DEUP1: variants seen among roughly 807,000 people sequenced by gnomAD.
DEUP1 encodes the protein deuterosome assembly protein 1.
Under a neutral mutation model 87.4 loss-of-function variants are expected in DEUP1, and 82 were observed. That is an observed-to-expected ratio of 0.94 (90% CI 0.78 to 1.13). The LOEUF is 1.13. DEUP1 is among the 50% of genes most tolerant of loss of function. The pLI is 0.00. For synonymous variants in DEUP1, 214 were observed against 222.7 expected, an observed-to-expected ratio of 0.96 and a Z score of 0.35; for missense variants, 663 against 681.5, an observed-to-expected ratio of 0.97 and a Z score of 0.30.
intron 7 of DEUP1, among the ~76,000 whole-genome samples, chr11:93,371,558 G>A (rs912149259): frequency 6.6e-6 from 1 of 151,996 alleles, no homozygotes; most frequent in African/African-American, 2.4e-5. Flanking sequence ...TATGCCTTTA[G>A]CCATGTACTA....
chr11:93,360,142 C>G (rs1421996115), intron 4 of DEUP1, among the ~76,000 whole-genome samples: 1 of 152,094 alleles, frequency 6.6e-6, no homozygotes, highest in African/African-American at 2.4e-5. Context: ...GCACCCATGC[C>G]CCTTCAATCA....
At chr11:93,401,982 C>A (rs1947133973) in intron 11 of DEUP1, among the ~76,000 whole-genome samples, 1 of 151,584 alleles carries the variant, frequency 6.6e-6, no homozygotes, top group Admixed American at 6.6e-5. Context: ...AAAATACAGG[C>A]AATCAAAGGA....
intron 13 of DEUP1, among the ~76,000 whole-genome samples, chr11:93,429,530 T>C (rs1462101850): frequency 6.6e-6 from 1 of 152,160 alleles, no homozygotes; most frequent in Non-Finnish European, 1.5e-5. Flanking sequence ...AATATCACCT[T>C]ATCAGAGATG....
intron 13 of DEUP1, 65 bp downstream of exon 13, chr11:93,415,179 T>A (rs763240724): frequency 1.1e-6 from 1 of 932,864 alleles, no homozygotes; most frequent in Non-Finnish European, 1.7e-6. Context: ...TACACTGATG[T>A]CAATAAACTG....
At chr11:93,347,327 T>C (rs2134184527) in intron 2 of DEUP1, among the ~76,000 whole-genome samples, 1 of 152,346 alleles carries the variant, frequency 6.6e-6, no homozygotes, top group South Asian at 2.1e-4. Flanking sequence ...ATTTATTGAC[T>C]TGCATTTGTT....
At chr11:93,432,872 C>A (rs532161647) in intron 13 of DEUP1, among the ~76,000 whole-genome samples, 31 of 152,104 alleles carry the variant, frequency 2.0e-4, no homozygotes, top group South Asian at 4.1e-4. Context: ...GTAAATAATG[C>A]AGTTCTCATT....
intron 2 of DEUP1, among the ~76,000 whole-genome samples, chr11:93,337,574 C>T (rs905913518): frequency 3.3e-5 from 5 of 152,170 alleles, no homozygotes; most frequent in Non-Finnish European, 7.3e-5. Flanking sequence ...TCAAACTGGA[C>T]AAGTTCTTCC....
At chr11:93,397,739 T>G (rs1946983542) in intron 11 of DEUP1, among the ~76,000 whole-genome samples, 1 of 152,174 alleles carries the variant, frequency 6.6e-6, no homozygotes. Flanking sequence ...ACTTTTTGCT[T>G]GCATATGCAC....
Position 93,428,384 on chromosome 11 carries a change from G to T in DEUP1, c.1639-9159G>T, listed in dbSNP as rs565162168. 1.3e-3 allele frequency among the ~76,000 whole-genome samples: 192 copies of T among 150,720 alleles called. 1 individual carries two copies. Among genetic ancestry groups the T allele is most frequent in the African/African-American group, 4.5e-3 (184 of 40,946 alleles). On this transcript the variant is annotated intron_variant, in intron 13 of 13. Coordinates refer to ENST00000298050, the MANE Select transcript of DEUP1 (RefSeq NM_181645.4). ...ACCACATGTTCTCACTCATTGATGG[G>T]CATTGAACAATGAGAATACATGGAC...
chr11:93,344,513 C>T (rs1944238884), intron 2 of DEUP1, among the ~76,000 whole-genome samples: 1 of 152,008 alleles, frequency 6.6e-6, no homozygotes, highest in African/African-American at 2.4e-5. Flanking sequence ...ATTCCTCCCT[C>T]CTTCCCTTCT....
chr11:93,358,734 C>T (rs1401325726), intron 4 of DEUP1, among the ~76,000 whole-genome samples: 2 of 152,222 alleles, frequency 1.3e-5, no homozygotes, highest in Admixed American at 6.5e-5. Context: ...AGGTGCGCAC[C>T]GCCACACCCA....
chr11:93,375,806 T>G (rs915952431), intron 7 of DEUP1, among the ~76,000 whole-genome samples: 17 of 152,178 alleles, frequency 1.1e-4, no homozygotes, highest in Non-Finnish European at 2.5e-4. Context: ...CACAGAATGA[T>G]TGAAGGTAGG....
At chr11:93,349,261 T>G (rs1043268724) in intron 2 of DEUP1, among the ~76,000 whole-genome samples, 1 of 152,158 alleles carries the variant, frequency 6.6e-6, no homozygotes, top group East Asian at 1.9e-4. Flanking sequence ...AAGCTGAAAT[T>G]TAATAAGGAT....
intron 13 of DEUP1, among the ~76,000 whole-genome samples, chr11:93,432,578 A>T (rs1290046133): frequency 6.6e-6 from 1 of 152,184 alleles, no homozygotes; most frequent in Non-Finnish European, 1.5e-5. Flanking sequence ...ACCCGGGCAG[A>T]TGGGCCAGCT....
At chr11:93,388,874 G>A in intron 8 of DEUP1, 146 bp from the exon 9 acceptor site, 1 of 559,020 alleles carries the variant, frequency 1.8e-6, no homozygotes, top group South Asian at 2.5e-5. Context: ...GAATGTATTA[G>A]AACTTGCAAT....
chr11:93,355,077 G>A (rs184991131), intron 2 of DEUP1, among the ~76,000 whole-genome samples: 22 of 152,254 alleles, frequency 1.4e-4, no homozygotes, highest in Admixed American at 1.3e-3. Context: ...TGCCTATATG[G>A]AAGAGCATTG....
At chr11:93,367,327 C>T (rs1035753346) in intron 5 of DEUP1, among the ~76,000 whole-genome samples, 6 of 152,016 alleles carry the variant, frequency 3.9e-5, no homozygotes, top group Admixed American at 6.6e-5. Context: ...TATGAAATGC[C>T]ATGTTCTTCT....
chr11:93,419,690 A>G (rs905228855), intron 13 of DEUP1, among the ~76,000 whole-genome samples: 4 of 151,990 alleles, frequency 2.6e-5, no homozygotes, highest in African/African-American at 4.8e-5. Context: ...AATATATTAA[A>G]GTTTTTCAAG....
intron 2 of DEUP1, among the ~76,000 whole-genome samples, chr11:93,337,131 T>G (rs531886607): frequency 6.6e-6 from 1 of 152,340 alleles, no homozygotes; most frequent in African/African-American, 2.4e-5. Flanking sequence ...GTCATTATTT[T>G]CAAAGAACCA....
Sources: allele counts gnomAD v4.1 joint callset (sites outside exome capture counted in the v4.1 genomes callset), GRCh38; gene constraint gnomAD v4.1.1; transcripts MANE v1.5; gene names NCBI Gene and HGNC (gene_info 2026-07-23, HGNC 2026-07-21).